The following NUTF2 variants were observed in gnomAD, a reference collection of about 807,000 sequenced individuals.
The protein encoded by NUTF2 is placental protein 15.
A neutral mutation model predicts 18.5 loss-of-function variants in NUTF2; 3 were observed. The observed-to-expected ratio is 0.16, with a 90% CI of 0.07 to 0.42. NUTF2 has a LOEUF of 0.42. NUTF2 is among the 10% of genes least tolerant of loss of function. The pLI, the probability that NUTF2 is intolerant of heterozygous loss-of-function variation, is 0.99. For missense variants in NUTF2, 44 were observed against 160.7 expected (o/e 0.27, Z 3.93); for synonymous variants, 51 against 57.9 (o/e 0.88, Z 0.54).
In NUTF2 at chr16:67,857,991, G is replaced by T. The variant is rs552815073; in HGVS notation, c.-29-7111G>T. ...AGGCTCTGACACACTCATGCACTTA[G>T]TCAACAAATAGTTTGTTTGAGGGCT... On this transcript the variant is annotated intron_variant, in intron 1 of 4. Coordinates refer to ENST00000219169, the MANE Select transcript of NUTF2 (RefSeq NM_005796.3). 2.0e-5 allele frequency among the ~76,000 whole-genome samples: 3 copies of T among 152,290 alleles called. No homozygotes were observed. The East Asian group carries it at 5.8e-4, about 29-fold the overall frequency.
intron 2 of NUTF2, among the ~76,000 whole-genome samples, chr16:67,866,382 C>G (rs1002053963): frequency 6.6e-6 from 1 of 150,456 alleles, no homozygotes; most frequent in East Asian, 2.0e-4. Flanking sequence ...TCTCAGCTCA[C>G]TGCAACTTCT....
In NUTF2 at chr16:67,855,942, C is replaced by A. The variant is rs549473143; in HGVS notation, c.-30+8957C>A. On this transcript the variant is annotated intron_variant, in intron 1 of 4. Coordinates refer to ENST00000219169, the MANE Select transcript of NUTF2 (RefSeq NM_005796.3). ...ACTTTATTTCATTGCGGGGAGTGGG[C>A]AGATGTCCAGCCTCAGAACTTCTGG... 14 of 915,852 alleles carry A rather than the reference C, an allele frequency of 1.5e-5. No homozygotes were observed. The East Asian group carries it at 3.8e-4, about 25-fold the overall frequency. 56.7% of individuals were successfully genotyped at this position (915,852 alleles called of 1,614,324 possible).
At chr16:67,855,931 C>A in intron 1 of NUTF2, 1 of 687,320 alleles carries the variant, frequency 1.5e-6, no homozygotes, top group South Asian at 2.3e-5. Context: ...TATTTCATTG[C>A]GGGGAGTGGG....
At chr16:67,850,926 G>A (rs1041820395) in intron 1 of NUTF2, among the ~76,000 whole-genome samples, 3 of 151,852 alleles carry the variant, frequency 2.0e-5, no homozygotes, top group African/African-American at 7.3e-5. Context: ...TCAGCCACCC[G>A]AGTAGCTGAG....
In NUTF2 at chr16:67,865,082, T is replaced by C. The variant is rs200241730; in HGVS notation, c.-29-20T>C. On this transcript the variant is annotated intron_variant, in intron 1 of 4. Transcript: ENST00000219169. ...TCTCATGGTACCAATGCTTCCCTCC[T>C]GGTCTCATTGGTCTTGCAGGTCTCC... 176 of 1,262,582 alleles carry C rather than the reference T, an allele frequency of 1.4e-4. 4 individuals carry two copies. The Admixed American group carries it at 3.0e-3, about 21-fold the overall frequency. 78.2% of individuals were successfully genotyped at this position (1,262,582 alleles called of 1,614,324 possible).
At chr16:67,853,664 A>G (rs1210209171) in intron 1 of NUTF2, among the ~76,000 whole-genome samples, 1 of 151,844 alleles carries the variant, frequency 6.6e-6, no homozygotes, top group African/African-American at 2.4e-5. Flanking sequence ...CACACCTGCT[A>G]ATTTTTATAT....
intron 1 of NUTF2, among the ~76,000 whole-genome samples, chr16:67,855,313 C>T (rs1213733455): frequency 6.6e-6 from 1 of 152,210 alleles, no homozygotes; most frequent in Non-Finnish European, 1.5e-5. Flanking sequence ...GGGAACGTGT[C>T]TTAGTGGCCA....
intron 2 of NUTF2, among the ~76,000 whole-genome samples, 157 bp downstream of exon 2, chr16:67,865,386 C>T (rs2057963591): frequency 6.6e-6 from 1 of 152,170 alleles, no homozygotes; most frequent in South Asian, 2.1e-4. Context: ...ACGCTTGGCC[C>T]AAGTAATTAC....
chr16:67,864,598 G>T (rs935284796), intron 1 of NUTF2, among the ~76,000 whole-genome samples: 20 of 152,028 alleles, frequency 1.3e-4, no homozygotes, highest in African/African-American at 4.8e-4. Context: ...CGTAGCCCTG[G>T]GACAGTGTTG....
In NUTF2 at chr16:67,849,163, G is replaced by T. The variant is rs186224550; in HGVS notation, c.-30+2178G>T. On this transcript the variant is annotated intron_variant, in intron 1 of 4. Coordinates refer to ENST00000219169, the MANE Select transcript of NUTF2 (RefSeq NM_005796.3). ...GAGGCCAACTTTGCCAGTGGAGCTG[G>T]GCAATAAGGAGGGACTACCCACAGG... Among the ~76,000 whole-genome samples the T allele has an allele frequency of 3.9e-3, 597 of 152,248 alleles. 6 individuals are homozygous for T. The highest frequency in any genetic ancestry group is 0.013 in the African/African-American group (548 of 41,542).
At chr16:67,869,690 C>T (rs1434612829) in intron 4 of NUTF2, among the ~76,000 whole-genome samples, 4 of 152,112 alleles carry the variant, frequency 2.6e-5, no homozygotes, top group African/African-American at 9.7e-5. Flanking sequence ...GAGGCTGCGG[C>T]AGGAGAATCG....
chr16:67,854,635 A>C (rs1052365795), intron 1 of NUTF2, among the ~76,000 whole-genome samples: 2 of 152,178 alleles, frequency 1.3e-5, no homozygotes, highest in African/African-American at 2.4e-5. Flanking sequence ...TTTCCACAGA[A>C]TAGACATTGA....
chr16:67,849,899 C>A (rs1239319338), intron 1 of NUTF2, among the ~76,000 whole-genome samples: 4 of 152,006 alleles, frequency 2.6e-5, no homozygotes, highest in South Asian at 2.1e-4. Flanking sequence ...ACCTCGTGAT[C>A]CGCCCGTCTC....
In NUTF2 at chr16:67,865,126, C is replaced by T; in HGVS notation, c.-5C>T. On this transcript the variant is annotated 5_prime_UTR_variant, in exon 2 of 5. Coordinates refer to ENST00000219169, the MANE Select transcript of NUTF2 (RefSeq NM_005796.3). ...GGTCTCCGTGAGGCCGGGTGACGCT[C>T]CAGAATGGGAGACAAGCCAATTTGG... The T allele has an allele frequency of 6.2e-7, 1 of 1,608,320 alleles. No homozygotes were observed. Among genetic ancestry groups the T allele is most frequent in the Non-Finnish European group, 8.5e-7 (1 of 1,176,374 alleles).
intron 1 of NUTF2, among the ~76,000 whole-genome samples, chr16:67,853,278 A>T (rs1341670546): frequency 2.0e-5 from 3 of 151,238 alleles, no homozygotes; most frequent in Admixed American, 2.0e-4. Flanking sequence ...TGCAGCCTTG[A>T]CCTCCTGGGC....
chr16:67,869,397 C>T (rs1015967405), intron 4 of NUTF2, among the ~76,000 whole-genome samples: 2 of 150,988 alleles, frequency 1.3e-5, no homozygotes, highest in African/African-American at 4.9e-5. Flanking sequence ...CATTTTCCTT[C>T]CTCCTTCTCA....
chr16:67,863,804 G>C (rs1179331072), intron 1 of NUTF2, among the ~76,000 whole-genome samples: 1 of 152,176 alleles, frequency 6.6e-6, no homozygotes, highest in Non-Finnish European at 1.5e-5. Context: ...TGCAGTCAGG[G>C]GATCTGCAGC....
intron 1 of NUTF2, among the ~76,000 whole-genome samples, chr16:67,863,275 A>C (rs1047654852): frequency 6.6e-6 from 1 of 152,190 alleles, no homozygotes; most frequent in Non-Finnish European, 1.5e-5. Context: ...ACTGGATCCA[A>C]GCTTTCTCCC....
rs76649027 is a variant in NUTF2 at position 67,872,091 on chromosome 16, G to A, written c.*1178G>A. The A allele has an allele frequency of 0.029, 4,476 of 152,374 alleles. 94 individuals carry two copies. The highest frequency in any genetic ancestry group is 0.16 in the Middle Eastern group (48 of 294). 9.4% of individuals were successfully genotyped at this position (152,374 alleles called of 1,614,324 possible). ...AGTCTTAGCTATTAGGGCAGTTTCT[G>A]CTTCTCCATTTTGGGGACAAAGGCC... On this transcript the variant is annotated 3_prime_UTR_variant, in exon 5 of 5. Transcript: ENST00000219169.
Sources: allele counts gnomAD v4.1 joint callset (sites outside exome capture counted in the v4.1 genomes callset), GRCh38; gene constraint gnomAD v4.1.1; transcripts MANE v1.5; gene names NCBI Gene and HGNC (gene_info 2026-07-23, HGNC 2026-07-21).